SMARCA4: variants seen among roughly 807,000 people sequenced by gnomAD.
SMARCA4 encodes the protein SWI/SNF-related matrix-associated actin-dependent regulator of chromatin subfamily A member 4.
A neutral mutation model predicts 193.9 loss-of-function variants in SMARCA4; 31 were observed. The ratio of observed to expected loss-of-function variants is 0.16; its 90% confidence interval spans 0.12 to 0.22. The LOEUF is 0.22. SMARCA4 is among the 10% of genes least tolerant of loss of function. The pLI is 1.00. For synonymous variants in SMARCA4, 942 were observed against 933.1 expected (o/e 1.01, Z -0.17); for missense variants, 1,148 against 2,296.0 (o/e 0.50, Z 10.22).
At position 11,031,082 on chromosome 19, in the gene SMARCA4, A is replaced by G. The variant is rs2146609574; in HGVS notation, c.3546+189A>G. On this transcript the variant is annotated intron_variant, in intron 25 of 34. Transcript: ENST00000344626. The surrounding 1 kb of genome is among the most constrained non-coding windows in gnomAD (Gnocchi z 4.3). ...AAGAGGCGGGGTCCTCCTGTTTCCC[A>G]AAATACAAACAGCCTTTCCCTCTGA... The G allele has an allele frequency of 3.1e-6, 2 of 648,766 alleles. No individual in the cohort carries two copies. The highest frequency in any genetic ancestry group is 4.8e-5 in the Admixed American group (2 of 41,994). The allele number at this position is 648,766 out of a possible 1,614,324, so 40.2% of individuals were successfully genotyped here.
intron 1 of SMARCA4, among the ~76,000 whole-genome samples, chr19:10,973,525 C>G (rs566875272): frequency 6.6e-6 from 1 of 151,672 alleles, no homozygotes; most frequent in Non-Finnish European, 1.5e-5. Flanking sequence ...CTTAGCCTCC[C>G]GAGTAGCTGG....
At chr19:10,997,359 C>T (rs936353545) in intron 11 of SMARCA4, among the ~76,000 whole-genome samples, 7 of 151,922 alleles carry the variant, frequency 4.6e-5, no homozygotes, top group African/African-American at 9.7e-5. Context: ...CTACCACGCC[C>T]GGCTAATTTT....
chr19:10,995,181 T>C (rs1285463120), intron 9 of SMARCA4, 180 bp downstream of exon 9: 1 of 698,146 alleles, frequency 1.4e-6, no homozygotes, highest in South Asian at 1.5e-5. Flanking sequence ...TTTGCTGATC[T>C]CTCTGATCAT....
intron 7 of SMARCA4, among the ~76,000 whole-genome samples, chr19:10,990,781 A>T (rs2086487334): frequency 6.6e-6 from 1 of 152,074 alleles, no homozygotes; most frequent in South Asian, 2.1e-4. Context: ...TTGGTCTCAA[A>T]CTCCTGGGCT....
intron 23 of SMARCA4, 149 bp downstream of exon 23, chr19:11,026,495 A>AACT: frequency 3.4e-6 from 2 of 587,766 alleles, no homozygotes; most frequent in South Asian, 2.1e-5. Flanking sequence ...AATAATACAA[A>AACT]TCTTTTTTTT....
rs140406246 is a variant in SMARCA4, at chr19:10,964,678, T to C, written c.-32+3504T>C. 1.8e-3 allele frequency among the ~76,000 whole-genome samples: 268 copies of C among 150,378 alleles called. 1 individual carries two copies. The highest frequency in any genetic ancestry group is 6.8e-3 in the Middle Eastern group (2 of 292). ...TGTCGCCCAGGCTGGAGTGCAGTGG[T>C]GCGATCTTGACTCACTGCAACCTCC... is the stretch of plus-strand genomic sequence containing the variant. On this transcript the variant is annotated intron_variant, in intron 1 of 34. Transcript: ENST00000344626.
rs139503098 is a variant in SMARCA4, at chr19:11,019,129, C to T, written c.2505+106C>T. 6.1e-4 allele frequency: 542 copies of T among 887,912 alleles called. 7 individuals carry two copies. In the East Asian group the frequency reaches 0.013, roughly 21 times the overall value. The allele number at this position is 887,912 out of a possible 1,614,324, so 55.0% of individuals were successfully genotyped here. ...GACAGTGAACCTGAGAATGCTGGGT[C>T]TCCAGTCGCATGGAGTCTCCAGGAC... On this transcript the variant is annotated intron_variant, in intron 17 of 34. Coordinates refer to ENST00000344626, the MANE Select transcript of SMARCA4 (RefSeq NM_003072.5). The surrounding 1 kb of genome is among the most constrained non-coding windows in gnomAD (Gnocchi z 6.1).
intron 1 of SMARCA4, among the ~76,000 whole-genome samples, chr19:10,982,694 C>T (rs930645216): frequency 4.0e-5 from 6 of 151,796 alleles, no homozygotes; most frequent in Admixed American, 6.6e-5. Context: ...TTAGTAGAGA[C>T]AGGGTTTCAC....
rs199622084 is a variant in SMARCA4, at chr19:10,989,702, T to TC, written c.1245+262dup. The stretch of plus-strand genomic sequence containing the variant: ...ATGGGCTTCTTTCTTCCTTTCCCTT[T>TC]CCCTTTTTTTTTTTTTTTGGAAACA... On this transcript the variant is annotated intron_variant, in intron 7 of 34. Coordinates refer to ENST00000344626, the MANE Select transcript of SMARCA4 (RefSeq NM_003072.5). 0.049 allele frequency among the ~76,000 whole-genome samples: 6,734 copies of TC among 138,738 alleles called. 199 individuals are homozygous for TC. Among genetic ancestry groups the TC allele is most frequent in the South Asian group, 0.097 (413 of 4,264 alleles). 91.0% of individuals were successfully genotyped at this position (138,738 alleles called of 152,430 possible). A position where few individuals can be genotyped will look rare whatever the true frequency, so the allele number is the denominator to read the frequency against.
chr19:11,057,163 T>C (rs2076593274), intron 30 of SMARCA4, among the ~76,000 whole-genome samples: 1 of 152,222 alleles, frequency 6.6e-6, no homozygotes, highest in Non-Finnish European at 1.5e-5. Context: ...AGGCCCTTCC[T>C]CTGGGCCAAA....
intron 30 of SMARCA4, among the ~76,000 whole-genome samples, chr19:11,048,207 A>AT (rs2076058276): frequency 1.3e-5 from 2 of 151,976 alleles, no homozygotes; most frequent in Admixed American, 6.6e-5. Context: ...AAGAAAAAAA[A>AT]CTTCTTTTTG....
intron 1 of SMARCA4, among the ~76,000 whole-genome samples, chr19:10,971,221 G>A (rs1286988528): frequency 6.6e-6 from 1 of 152,000 alleles, no homozygotes; most frequent in Non-Finnish European, 1.5e-5. Context: ...GAAACAGAGT[G>A]TGTTTTCCCA....
In SMARCA4 at chr19:10,991,290, C is replaced by G. The variant is rs1265247876; in HGVS notation, c.1386C>G (p.Ile462Met). ...ITEKLEKQQK[I>M]EQERKRRQKH... Reference sequence around the variant, plus strand: ...AGAAGCTGGAGAAGCAGCAGAAGATCGAGCAGGAGCGCAAGCGCCGGCAGA... The same window carrying G: ...AGAAGCTGGAGAAGCAGCAGAAGATGGAGCAGGAGCGCAAGCGCCGGCAGA... The change falls in exon 8 of 35, where the codon ATC becomes ATG. Residue 462 changes from isoleucine (I) to methionine (M), a missense_variant. This residue lies in a region of SMARCA4 where 69 missense variants were observed against 186.9 expected (regional missense o/e 0.37). Transcript: ENST00000344626. The G allele has an allele frequency of 1.9e-6, 3 of 1,609,068 alleles. No homozygotes were observed. The highest frequency in any genetic ancestry group is 1.1e-5 in the South Asian group (1 of 90,196).
At position 11,031,019 on chromosome 19, in the gene SMARCA4, G is replaced by A. The variant is rs761306436; in HGVS notation, c.3546+126G>A. On this transcript the variant is annotated intron_variant, in intron 25 of 34. Coordinates refer to ENST00000344626, the MANE Select transcript of SMARCA4 (RefSeq NM_003072.5). This position sits in a 1 kb window ranked among gnomAD's most constrained non-coding sequence, Gnocchi z 4.3. ...TTGTCTTGGACCCCAGGAGCCGGGA[G>A]GAGCTGCACCCATATCTCCATAGGT... The A allele has an allele frequency of 1.5e-5, 13 of 881,174 alleles. 1 individual carries two copies. The highest frequency in any genetic ancestry group is 1.1e-4 in the South Asian group (8 of 70,466). 54.6% of individuals were successfully genotyped at this position (881,174 alleles called of 1,614,324 possible).
chr19:11,048,384 AC>A (rs1218057888), intron 30 of SMARCA4, among the ~76,000 whole-genome samples: 5 of 152,294 alleles, frequency 3.3e-5, no homozygotes, highest in Admixed American at 3.3e-4. Context: ...GGTGCACACC[AC>A]CATCATGCCT....
At chr19:11,005,017 G>C (rs1012739768) in intron 13 of SMARCA4, among the ~76,000 whole-genome samples, 8 of 152,036 alleles carry the variant, frequency 5.3e-5, no homozygotes, top group African/African-American at 1.9e-4. Context: ...TGTATTTTTA[G>C]TAGAGACAGG....
intron 30 of SMARCA4, among the ~76,000 whole-genome samples, chr19:11,050,694 T>A (rs114048074): frequency 6.6e-5 from 10 of 152,360 alleles, no homozygotes; most frequent in African/African-American, 2.2e-4. Flanking sequence ...TGAAACAGAT[T>A]GTCTGAATGT....
chr19:11,002,652 A>G (rs1189440787), intron 11 of SMARCA4, among the ~76,000 whole-genome samples: 1 of 151,988 alleles, frequency 6.6e-6, no homozygotes, highest in Non-Finnish European at 1.5e-5. Flanking sequence ...GAAAATTACA[A>G]TGTATATGCC....
At chr19:11,025,537 G>A in intron 22 of SMARCA4, 29 bp downstream of exon 22, 1 of 1,558,228 alleles carries the variant, frequency 6.4e-7, no homozygotes, top group Non-Finnish European at 8.8e-7. Context: ...GGACGGCTCA[G>A]GCCCTGCTGT....
Sources: allele counts gnomAD v4.1 joint callset (sites outside exome capture counted in the v4.1 genomes callset), GRCh38; gene constraint gnomAD v4.1.1; regional missense constraint gnomAD v4.1.1; non-coding constraint Gnocchi (gnomAD v3.1); transcripts MANE v1.5; gene names NCBI Gene and HGNC (gene_info 2026-07-23, HGNC 2026-07-21).